The following RBM19 variants were observed in gnomAD, a reference collection of about 807,000 sequenced individuals.
RBM19 encodes the protein RNA binding motif protein 19.
RBM19 carries 94 observed loss-of-function variants against 116.8 expected under a neutral mutation model. That is an observed-to-expected ratio of 0.80 (90% CI 0.68 to 0.95). The LOEUF (loss-of-function observed/expected upper bound fraction) is 0.95. RBM19 is among the 40% of genes least tolerant of loss of function. The probability of loss-of-function intolerance (pLI) is 0.00; values close to 1 mark genes in which losing one functional copy is unlikely to be tolerated. For synonymous variants in RBM19, 475 were observed against 494.1 expected (o/e 0.96, Z 0.51); for missense variants, 1,161 against 1,220.7 (o/e 0.95, Z 0.73).
At chr12:113,942,466 G>A in intron 13 of RBM19, 32 bp from the exon 14 acceptor site, 1 of 1,561,512 alleles carries the variant, frequency 6.4e-7, no homozygotes. Context: ...GTTCTGGTTG[G>A]CTGTCGGCCA....
chr12:113,948,825 A>G lies in RBM19; in HGVS notation c.1276+8T>C, dbSNP rs781691954. The G allele has an allele frequency of 8.1e-6, 13 of 1,613,954 alleles. No homozygotes were observed. In the South Asian group the frequency reaches 1.2e-4, roughly 15 times the overall value. ...GGGCTATCCACGGCCCGGAGGCCAC[A>G]CCCCTACCATATTTGGAGAAGAGCT... On this transcript the variant is annotated splice_region_variant and intron_variant, in intron 10 of 23. Transcript: ENST00000261741.
chr12:113,940,095 G>C lies in RBM19; in HGVS notation c.1803C>G (p.Ala601=), dbSNP rs140359157. The change falls in exon 15 of 24, where the codon GCC becomes GCG. Residue 601 remains alanine (A), a synonymous_variant. Transcript: ENST00000261741. ...AATGGCCGAAGGTCTCCTGCAGCTG[G>C]GCCGCCAGGGTGCCTGCCGGGAGGT... ...VKNLPAGTLA[A]QLQETFGHFG... is the part of the protein sequence containing the mutation. 1.2e-5 allele frequency: 20 copies of C among 1,614,102 alleles called. No individual in the cohort carries two copies. In the African/African-American group the frequency reaches 2.5e-4, roughly 20 times the overall value.
chr12:113,958,069 T>G lies in RBM19; in HGVS notation c.572-19A>C, dbSNP rs746314246. ...GCCTCTTCTGGAAAAACAGGGAAGC[T>G]GGGATCAGCGACAGCTATGAGCAAA... On this transcript the variant is annotated intron_variant, in intron 5 of 23. Transcript: ENST00000261741. 21 of 1,597,000 alleles carry G rather than the reference T, an allele frequency of 1.3e-5. No individual in the cohort carries two copies. Among genetic ancestry groups the G allele is most frequent in the African/African-American group, 1.3e-5 (1 of 74,332 alleles).
intron 17 of RBM19, 72 bp downstream of exon 17, chr12:113,926,982 T>A (rs761805168): frequency 1.3e-4 from 199 of 1,485,258 alleles, no homozygotes; most frequent in Non-Finnish European, 1.8e-4. Flanking sequence ...GCAGAATAAA[T>A]GCAGTGGCCG....
intron 21 of RBM19, among the ~76,000 whole-genome samples, chr12:113,865,916 G>A (rs1878769860): frequency 6.6e-6 from 1 of 152,166 alleles, no homozygotes; most frequent in African/African-American, 2.4e-5. Flanking sequence ...GTGCTGCTTG[G>A]TGGGAACGAG....
chr12:113,911,296 G>A lies in RBM19; in HGVS notation c.2558+3673C>T, dbSNP rs564610125. ...GAGCTGGCTCAGCCTGTCCCTCAAG[G>A]TCCTTCCTGACTCTCTACCCCAGAA... is the stretch of plus-strand genomic sequence containing the variant. On this transcript the variant is annotated intron_variant, in intron 21 of 23. Coordinates refer to ENST00000261741, the MANE Select transcript of RBM19 (RefSeq NM_016196.4). Among the ~76,000 whole-genome samples, 7 of 152,288 alleles carry A rather than the reference G, an allele frequency of 4.6e-5. 1 individual carries two copies. The highest frequency in any genetic ancestry group is 1.7e-4 in the African/African-American group (7 of 41,556).
chr12:113,951,341 T>C (rs10850252), intron 8 of RBM19, among the ~76,000 whole-genome samples: 24,903 of 151,982 alleles, frequency 0.16, 2,785 homozygotes, highest in African/African-American at 0.32. Flanking sequence ...CTCAGATATG[T>C]TTCTTCCTGC....
chr12:113,921,594 TACAAA>T (rs968814760), intron 18 of RBM19, among the ~76,000 whole-genome samples: 11 of 152,290 alleles, frequency 7.2e-5, no homozygotes, highest in African/African-American at 2.6e-4. Context: ...CAGCAGGTGT[TACAAA>T]ATAAGAGCCA....
chr12:113,926,530 G>T (rs1265536872), intron 17 of RBM19, among the ~76,000 whole-genome samples: 1 of 152,132 alleles, frequency 6.6e-6, no homozygotes. Flanking sequence ...CTTCCTTCTA[G>T]AAGCCCCCGG....
chr12:113,893,018 A>T (rs1278053571), intron 21 of RBM19, among the ~76,000 whole-genome samples: 2 of 143,786 alleles, frequency 1.4e-5, no homozygotes, highest in Non-Finnish European at 3.0e-5. Context: ...ACCACACTGT[A>T]ACTATTGATT....
At position 113,947,411 on chromosome 12, in the gene RBM19, C is replaced by G. The variant is rs768854234; in HGVS notation, c.1330G>C (p.Gly444Arg). 7 of 1,610,748 alleles carry G rather than the reference C, an allele frequency of 4.3e-6. No homozygotes were observed. Among genetic ancestry groups the G allele is most frequent in the East Asian group, 2.2e-5 (1 of 44,810 alleles). ...PIDSLTKKPK[G>R]FAFITFMFPE... ...AACATGAAGGTGATGAATGCAAAAC[C>G]CTTGGGTTTCTTGGTCAGGCTGTCG... The change falls in exon 11 of 24, where the codon GGT (glycine) becomes CGT (arginine). Residue 444 changes from glycine to arginine, a missense_variant. Transcript: ENST00000261741.
chr12:113,847,047 G>A (rs952451627), intron 22 of RBM19, among the ~76,000 whole-genome samples: 1 of 152,276 alleles, frequency 6.6e-6, no homozygotes, highest in South Asian at 2.1e-4. Context: ...GGTCTGTGGC[G>A]TTTTGTTATA....
chr12:113,845,528 G>A (rs1003139901), intron 22 of RBM19, among the ~76,000 whole-genome samples: 1 of 152,098 alleles, frequency 6.6e-6, no homozygotes, highest in Non-Finnish European at 1.5e-5. Context: ...TATAATCGCA[G>A]AGCTGTGCAA....
chr12:113,859,604 C>G (rs972479461), intron 21 of RBM19, among the ~76,000 whole-genome samples: 3 of 152,232 alleles, frequency 2.0e-5, no homozygotes, highest in South Asian at 2.1e-4. Flanking sequence ...GACCATCCCC[C>G]CCGGTTCCCT....
rs559038257 is a variant in RBM19 at position 113,966,324 on chromosome 12, C to G, written c.-97G>C. ...CCTGGGCGCCGCCATCTTTACCGAG[C>G]CGGAACACAGTCACGTGGCTGAGAC... On this transcript the variant is annotated 5_prime_UTR_variant, in exon 1 of 24. Coordinates refer to ENST00000261741, the MANE Select transcript of RBM19 (RefSeq NM_016196.4). 6.7e-7 allele frequency: 1 copy of G among 1,500,340 alleles called. No individual in the cohort carries two copies. Among genetic ancestry groups the G allele is most frequent in the Admixed American group, 1.7e-5 (1 of 59,216 alleles). 92.9% of individuals were successfully genotyped at this position (1,500,340 alleles called of 1,614,324 possible). A position where few individuals can be genotyped will look rare whatever the true frequency, so the allele number is the denominator to read the frequency against.
At chr12:113,842,845 C>T (rs1305683931) in intron 23 of RBM19, among the ~76,000 whole-genome samples, 1 of 151,936 alleles carries the variant, frequency 6.6e-6, no homozygotes, top group East Asian at 1.9e-4. Context: ...GCATTCTAAG[C>T]AGAGGGAACA....
chr12:113,927,012 C>A, intron 17 of RBM19, 42 bp downstream of exon 17: 1 of 1,585,020 alleles, frequency 6.3e-7, no homozygotes, highest in Non-Finnish European at 8.6e-7. Flanking sequence ...ACTGGGGTTT[C>A]CCATCCCACG....
intron 23 of RBM19, among the ~76,000 whole-genome samples, chr12:113,828,094 T>G (rs1039232458): frequency 7.7e-5 from 10 of 130,232 alleles, no homozygotes; most frequent in Non-Finnish European, 1.1e-4. Context: ...CTCTCGACTC[T>G]GTCTCAAAAA....
At chr12:113,872,446 G>A (rs1416291860) in intron 21 of RBM19, among the ~76,000 whole-genome samples, 6 of 144,252 alleles carry the variant, frequency 4.2e-5, no homozygotes, top group South Asian at 2.3e-4. Context: ...GGTGAGGGGC[G>A]CCTCTGCTCG....
Sources: gnomAD v4.1 joint callset for allele counts (sites outside exome capture counted in the v4.1 genomes callset) on GRCh38, gnomAD v4.1.1 for gene constraint, MANE v1.5 for transcripts, NCBI Gene and HGNC (gene_info 2026-07-23, HGNC 2026-07-21) for gene names.